PTCH1: variants seen among roughly 807,000 people sequenced by gnomAD.
The protein encoded by PTCH1 is patched 1.
PTCH1 carries 14 observed loss-of-function variants against 144.6 expected under a neutral mutation model. The observed-to-expected ratio is 0.10, with a 90% CI of 0.06 to 0.15. The LOEUF (loss-of-function observed/expected upper bound fraction) is 0.15. PTCH1 is among the 10% of genes least tolerant of loss of function. The pLI is 1.00. For synonymous variants in PTCH1, 833 were observed against 793.6 expected, an observed-to-expected ratio of 1.05 and a Z score of -0.83; for missense variants, 1,623 against 1,948.3, an observed-to-expected ratio of 0.83 and a Z score of 3.14.
chr9:95,509,272 G>C (rs1587703207), upstream of PTCH1, among the ~76,000 whole-genome samples: 1 of 152,042 alleles, frequency 6.6e-6, no homozygotes, highest in Non-Finnish European at 1.5e-5. Context: ...GGGGTGGAGG[G>C]GGAGAGAGCG....
At chr9:95,514,651 A>G (rs570150307) in intron 1 of PTCH1, 10 of 139,716 alleles carry the variant, frequency 7.2e-5, no homozygotes, top group Non-Finnish European at 1.4e-4. Flanking sequence ...TGTGTGTGAG[A>G]GAGAGAGAGG....
intron 15 of PTCH1, among the ~76,000 whole-genome samples, chr9:95,463,795 C>T (rs939104593): frequency 9.9e-5 from 15 of 152,168 alleles, no homozygotes; most frequent in African/African-American, 3.4e-4. Context: ...GGCCACCCAG[C>T]AGGTGAGTGT....
intron 2 of PTCH1, among the ~76,000 whole-genome samples, chr9:95,488,123 T>A (rs996349019): frequency 6.6e-6 from 1 of 152,242 alleles, no homozygotes; most frequent in Non-Finnish European, 1.5e-5. Flanking sequence ...GCAGTTATTT[T>A]ATCACAGGGT....
upstream of PTCH1, among the ~76,000 whole-genome samples, chr9:95,510,314 A>C (rs908976105): frequency 1.1e-4 from 17 of 152,194 alleles, no homozygotes; most frequent in African/African-American, 4.1e-4. Context: ...AGTATGACGT[A>C]GGAGATTATA....
At chr9:95,468,309 G>A (rs1840218146) in intron 14 of PTCH1, among the ~76,000 whole-genome samples, 1 of 152,110 alleles carries the variant, frequency 6.6e-6, no homozygotes, top group South Asian at 2.1e-4. Context: ...CGCTGGCCTT[G>A]GCCTCCCAGA....
At chr9:95,494,662 G>A (rs1842671878) in intron 2 of PTCH1, among the ~76,000 whole-genome samples, 1 of 152,170 alleles carries the variant, frequency 6.6e-6, no homozygotes, top group Non-Finnish European at 1.5e-5. Flanking sequence ...GTGATGACGA[G>A]CGCGCGCTGG....
chr9:95,473,962 A>G (rs1840810850), intron 12 of PTCH1: 1 of 423,502 alleles, frequency 2.4e-6, no homozygotes, highest in Non-Finnish European at 4.7e-6. Flanking sequence ...GCTTTGAAAC[A>G]GAAACACAAA....
intron 15 of PTCH1, among the ~76,000 whole-genome samples, chr9:95,464,289 A>G (rs1839807542): frequency 6.6e-6 from 1 of 152,262 alleles, no homozygotes; most frequent in African/African-American, 2.4e-5. Context: ...CTGGATACAA[A>G]ACAAGGGATA....
At chr9:95,509,416 C>T (rs1380061768), upstream of PTCH1, among the ~76,000 whole-genome samples, 1 of 152,200 alleles carries the variant, frequency 6.6e-6, no homozygotes, top group Non-Finnish European at 1.5e-5. Flanking sequence ...AGCAACAGCT[C>T]ACCAAAGTAG....
In PTCH1 at chr9:95,443,987, T is replaced by C. The variant is rs1837669866; in HGVS notation, c.*2406A>G. The C allele has an allele frequency of 6.6e-6, 1 of 152,616 alleles. No homozygotes were observed. The highest frequency in any genetic ancestry group is 1.5e-5 in the Non-Finnish European group (1 of 68,032). The allele number at this position is 152,616 out of a possible 1,614,324, so 9.5% of individuals were successfully genotyped here. A position where few individuals can be genotyped will look rare whatever the true frequency, so the allele number is the denominator to read the frequency against. ...AAAAATTCTGTCCAAAAGTAAAACA[T>C]AGCTGTAATGTTTCCAATAGAAATA... On this transcript the variant is annotated 3_prime_UTR_variant, in exon 24 of 24. Coordinates refer to ENST00000331920, the MANE Select transcript of PTCH1 (RefSeq NM_000264.5).
chr9:95,446,600 G>A (rs1056022492), intron 23 of PTCH1: 5 of 495,610 alleles, frequency 1.0e-5, no homozygotes, highest in Admixed American at 6.0e-5. Flanking sequence ...CCAATTCGCT[G>A]TGGCATGCAC....
At chr9:95,459,379 G>A (rs1487607886) in intron 17 of PTCH1, among the ~76,000 whole-genome samples, 1 of 152,322 alleles carries the variant, frequency 6.6e-6, no homozygotes, top group Admixed American at 6.5e-5. Context: ...TTAAAGCTAC[G>A]AATGGAGACG....
At chr9:95,503,049 T>C (rs970024371) in intron 2 of PTCH1, among the ~76,000 whole-genome samples, 2 of 152,180 alleles carry the variant, frequency 1.3e-5, no homozygotes, top group East Asian at 3.8e-4. Flanking sequence ...TCAGCATCCC[T>C]CTCCCCTTAA....
intron 6 of PTCH1, 53 bp downstream of exon 6, chr9:95,480,336 CA>C (rs1248515401): frequency 5.7e-6 from 9 of 1,591,302 alleles, no homozygotes; most frequent in South Asian, 1.1e-5. Flanking sequence ...TGAATGGACA[CA>C]AAAAAGTGTT....
chr9:95,473,440 A>G (rs538918773), intron 12 of PTCH1, among the ~76,000 whole-genome samples: 3 of 152,138 alleles, frequency 2.0e-5, no homozygotes, highest in South Asian at 2.1e-4. Context: ...ATAATGGCCA[A>G]TTTTGAGGGT....
At position 95,458,219 on chromosome 9, in the gene PTCH1, C is replaced by G; in HGVS notation, c.2962G>C (p.Val988Leu). 6.2e-7 allele frequency: 1 copy of G among 1,614,132 alleles called. No homozygotes were observed. The highest frequency in any genetic ancestry group is 8.5e-7 in the Non-Finnish European group (1 of 1,180,046). ...LNGLRDTSDFVEAIEKVRTIC... is the reference protein window; with the variant it reads ...LNGLRDTSDFLEAIEKVRTIC... The stretch of plus-strand genomic sequence containing the variant: ...GTCCTTACTTTTTCAATTGCCTCCA[C>G]AAAGTCTGAGGTGTCCCGCAAGCCG... Residue 988 changes from valine to leucine, a missense_variant, in exon 18 of 24, where the codon GTG becomes CTG. Val to Leu is a conservative substitution (Grantham distance 32). Coordinates refer to ENST00000331920, the MANE Select transcript of PTCH1 (RefSeq NM_000264.5). The surrounding 1 kb of genome is among the most constrained non-coding windows in gnomAD (Gnocchi z 4.7).
At position 95,449,974 on chromosome 9, in the gene PTCH1, G is replaced by A. The variant is rs1184754019; in HGVS notation, c.3450-34C>T. On this transcript the variant is annotated intron_variant, in intron 20 of 23. Transcript: ENST00000331920. The surrounding 1 kb of genome is among the most constrained non-coding windows in gnomAD (Gnocchi z 5.3). The stretch of plus-strand genomic sequence containing the variant: ...TCAAGAGGAAACGGGAACACGCGCT[G>A]TGACAGGGTGGATCGCGCCACCCTC... 6.3e-6 allele frequency: 10 copies of A among 1,584,848 alleles called. No individual in the cohort carries two copies. The highest frequency in any genetic ancestry group is 8.7e-6 in the Non-Finnish European group (10 of 1,154,278).
In PTCH1 at chr9:95,480,495, T is replaced by C. The variant is rs770426495; in HGVS notation, c.840A>G (p.Glu280=). ...GACCAACCTCAGCCTTATTCAGCAT[T>C]TCCTCCCAGCTGTCCACTTGATAGT... The part of the protein sequence containing the change: ...KINYQVDSWE[E]MLNKAEVGHG... Residue 280 remains glutamate (E), a synonymous_variant, in exon 6 of 24, where the codon GAA becomes GAG. Transcript: ENST00000331920. 3 of 1,612,968 alleles carry C rather than the reference T, an allele frequency of 1.9e-6. No individual in the cohort carries two copies. The highest frequency in any genetic ancestry group is 1.1e-5 in the South Asian group (1 of 90,864).
rs2118460690 is a variant in PTCH1, at chr9:95,481,969, C to A, written c.726G>T (p.Gln242His). Residue 242 changes from glutamine to histidine, a missense_variant, in exon 5 of 24, where the codon CAG becomes CAT. Physicochemically the swap from Gln to His is conservative, Grantham distance 24. This residue lies in a region of PTCH1 where 230 missense variants were observed against 271.0 expected (regional missense o/e 0.85). Transcript: ENST00000331920. ...LDCFWEGAKL[Q>H]SGTAYLLGKP... ...CTTACAGGAGGTATGCTGTCCCAGA[C>A]TGTAATTTCGCCCCTTCCCAGAAGC... The A allele has an allele frequency of 6.2e-7, 1 of 1,613,082 alleles. No homozygotes were observed. The highest frequency in any genetic ancestry group is 2.2e-5 in the East Asian group (1 of 44,878).
Sources: allele counts gnomAD v4.1 joint callset (sites outside exome capture counted in the v4.1 genomes callset), GRCh38; gene constraint gnomAD v4.1.1; regional missense constraint gnomAD v4.1.1; non-coding constraint Gnocchi (gnomAD v3.1); transcripts MANE v1.5; gene names NCBI Gene and HGNC (gene_info 2026-07-23, HGNC 2026-07-21).